The following AMMECR1 variants were observed in gnomAD, a reference collection of about 807,000 sequenced individuals.
The protein encoded by AMMECR1 is AMMECR nuclear protein 1, also known as nuclear protein AMMECR1.
Under a neutral mutation model 22.5 loss-of-function variants are expected in AMMECR1, and 3 were observed. The ratio of observed to expected loss-of-function variants is 0.13; its 90% CI spans 0.06 to 0.35. The LOEUF (loss-of-function observed/expected upper bound fraction) is 0.35. Among genes scored for constraint, AMMECR1 ranks in the 10% least tolerant of loss-of-function variants. AMMECR1 has a pLI of 1.00. For missense variants in AMMECR1, 235 were observed against 278.7 expected, an observed-to-expected ratio of 0.84 and a Z score of 1.12; for synonymous variants, 130 against 116.7, an observed-to-expected ratio of 1.11 and a Z score of -0.74.
chrX:110,379,119 G>A (rs1044965940), intron 2 of AMMECR1, among the ~76,000 whole-genome samples: 7 of 111,420 alleles, frequency 6.3e-5, no homozygotes, highest in African/African-American at 2.3e-4. Flanking sequence ...CATGATACTC[G>A]TTATCATACC....
chrX:110,253,573 A>C (rs1231553322), intron 2 of AMMECR1, among the ~76,000 whole-genome samples: 1 of 112,939 alleles, frequency 8.9e-6, no homozygotes, highest in Non-Finnish European at 1.9e-5. Flanking sequence ...AAGAACAATT[A>C]CATTTTATAA....
rs2067382571 is a variant in AMMECR1 at position 110,198,594 on chromosome X, G to A, written c.928C>T (p.Leu310Phe). 1.7e-6 allele frequency: 2 copies of A among 1,204,417 alleles called. No homozygotes were observed. The highest frequency in any genetic ancestry group is 2.2e-6 in the Non-Finnish European group (2 of 891,639). The change falls in exon 6 of 6, where the codon CTT (leucine) becomes TTT (phenylalanine). Residue 310 changes from leucine (L) to phenylalanine (F), a missense_variant. By Grantham distance (22) the Leu-to-Phe change is conservative. This residue lies in a region of AMMECR1 where 111 missense variants were observed against 181.7 expected (regional missense o/e 0.61). Coordinates refer to ENST00000262844, the MANE Select transcript of AMMECR1 (RefSeq NM_015365.3). ...AAATGATGATGCTGGCGATGAGCAA[G>A]GTATTCAGCATAGCTCAGGGTCATC... ...EKMTLSYAEYLAHRQHHHFQN... is the reference protein window; with the variant it reads ...EKMTLSYAEYFAHRQHHHFQN...
intron 3 of AMMECR1, among the ~76,000 whole-genome samples, chrX:110,208,375 A>G (rs1431007211): frequency 8.9e-6 from 1 of 112,490 alleles, no homozygotes; most frequent in African/African-American, 3.2e-5. Context: ...ACTTTATGAA[A>G]AAGGTCCCCT....
intron 1 of AMMECR1, among the ~76,000 whole-genome samples, chrX:110,276,981 G>C (rs1483844732): frequency 9.0e-6 from 1 of 111,016 alleles, no homozygotes; most frequent in Admixed American, 9.6e-5. Context: ...AAAAGTCAGG[G>C]TGATGGTAGA....
At chrX:110,366,067 G>A (rs901060046) in intron 2 of AMMECR1, among the ~76,000 whole-genome samples, 2 of 111,558 alleles carry the variant, frequency 1.8e-5, no homozygotes, top group African/African-American at 6.5e-5. Flanking sequence ...GGCCCGGGGA[G>A]GACATGTGTT....
chrX:110,377,443 A>T (rs752912565), intron 2 of AMMECR1, among the ~76,000 whole-genome samples: 2 of 111,825 alleles, frequency 1.8e-5, no homozygotes, highest in East Asian at 5.6e-4. Flanking sequence ...AGAACATTGC[A>T]GTAAATCACT....
intron 2 of AMMECR1, among the ~76,000 whole-genome samples, chrX:110,331,635 C>T (rs1251939113): frequency 1.8e-5 from 2 of 111,449 alleles, no homozygotes; most frequent in Non-Finnish European, 3.8e-5. Flanking sequence ...TTGGCACCTC[C>T]GTCAGAAGGA....
chrX:110,433,257 G>C (rs947655997), intron 1 of AMMECR1, among the ~76,000 whole-genome samples: 8 of 112,569 alleles, frequency 7.1e-5, no homozygotes, highest in African/African-American at 2.6e-4. Flanking sequence ...AGACAAAACA[G>C]GGGTAGTGCA....
chrX:110,319,120 T>C (rs1289395897), upstream of AMMECR1, among the ~76,000 whole-genome samples: 2 of 112,564 alleles, frequency 1.8e-5, no homozygotes, highest in African/African-American at 6.5e-5. Context: ...TTTTAAAATT[T>C]CTCAATTAAA....
chrX:110,382,960 T>C (rs760314935), intron 2 of AMMECR1, among the ~76,000 whole-genome samples: 3 of 112,056 alleles, frequency 2.7e-5, no homozygotes, highest in Admixed American at 9.4e-5. Flanking sequence ...TAAGGTACAG[T>C]AGAACTCACT....
chrX:110,314,531 T>C (rs777402337), intron 1 of AMMECR1, among the ~76,000 whole-genome samples: 1 of 111,502 alleles, frequency 9.0e-6, no homozygotes, highest in South Asian at 3.8e-4. Context: ...TTTTAATAAC[T>C]TCCCAGTGAT....
intron 1 of AMMECR1, among the ~76,000 whole-genome samples, chrX:110,293,606 C>T (rs1453595721): frequency 9.0e-6 from 1 of 111,166 alleles, no homozygotes; most frequent in Non-Finnish European, 1.9e-5. Flanking sequence ...TAAACCCAGA[C>T]ACAGAAGGAT....
intron 2 of AMMECR1, among the ~76,000 whole-genome samples, chrX:110,400,014 AT>A (rs1231685818): frequency 4.5e-5 from 5 of 110,514 alleles, no homozygotes. Context: ...CATTATAGCA[AT>A]TCAACATTGA....
intron 2 of AMMECR1, among the ~76,000 whole-genome samples, chrX:110,240,305 C>T (rs748729363): frequency 8.0e-5 from 8 of 100,562 alleles, no homozygotes; most frequent in Non-Finnish European, 1.4e-4. Flanking sequence ...GCTGTATTCA[C>T]GAGACACATC....
At chrX:110,421,554 A>G (rs1212483610) in intron 2 of AMMECR1, among the ~76,000 whole-genome samples, 3 of 112,859 alleles carry the variant, frequency 2.7e-5, no homozygotes, top group South Asian at 7.3e-4. Context: ...AAATTCGAGC[A>G]TATTTGCATT....
intron 2 of AMMECR1, among the ~76,000 whole-genome samples, chrX:110,360,381 C>T (rs2068255555): frequency 9.0e-6 from 1 of 111,564 alleles, no homozygotes; most frequent in Admixed American, 9.5e-5. Context: ...AGAAAGATTC[C>T]ACTGGTTTTC....
intron 2 of AMMECR1, among the ~76,000 whole-genome samples, chrX:110,234,732 G>A (rs1335810320): frequency 1.8e-5 from 2 of 111,389 alleles, no homozygotes; most frequent in African/African-American, 6.5e-5. Context: ...AATAGGGAAA[G>A]GATTCCCTAT....
At chrX:110,363,788 C>G (rs984915525) in intron 2 of AMMECR1, among the ~76,000 whole-genome samples, 3 of 111,355 alleles carry the variant, frequency 2.7e-5, no homozygotes, top group African/African-American at 9.8e-5. Flanking sequence ...CCAGTAATAA[C>G]AGTCACCATA....
intron 2 of AMMECR1, among the ~76,000 whole-genome samples, chrX:110,329,515 C>T (rs766447155): frequency 4.5e-5 from 5 of 112,186 alleles, no homozygotes; most frequent in Middle Eastern, 4.6e-3. Context: ...TAGGTGGAGA[C>T]GGAAAGCTTG....
Sources: allele counts gnomAD v4.1 joint callset (sites outside exome capture counted in the v4.1 genomes callset), GRCh38; gene constraint gnomAD v4.1.1; regional missense constraint gnomAD v4.1.1; transcripts MANE v1.5; gene names NCBI Gene and HGNC (gene_info 2026-07-23, HGNC 2026-07-21).